ADAMTS2: variants seen among roughly 807,000 people sequenced by gnomAD.
ADAMTS2 encodes A disintegrin and metalloproteinase with thrombospondin motifs 2.
ADAMTS2 carries 50 observed loss-of-function variants against 123.0 expected under a neutral mutation model. That is an observed-to-expected ratio of 0.41 (90% CI 0.32 to 0.51). ADAMTS2 has a LOEUF of 0.51. Ranked by LOEUF, ADAMTS2 falls within the 20% of genes least tolerant of loss-of-function variation. The pLI is 0.35. For missense variants in ADAMTS2, 1,494 were observed against 1,705.2 expected, an observed-to-expected ratio of 0.88 and a Z score of 2.18; for synonymous variants, 678 against 695.4, an observed-to-expected ratio of 0.98 and a Z score of 0.39.
intron 3 of ADAMTS2, among the ~76,000 whole-genome samples, chr5:179,212,980 A>G (rs1466200238): frequency 6.6e-6 from 1 of 152,128 alleles, no homozygotes; most frequent in South Asian, 2.1e-4. Flanking sequence ...ACCCAGAAGG[A>G]AGGGAGCCCG....
rs1302424031 is a variant in ADAMTS2, at chr5:179,317,482, G to A, written c.534+26285C>T. On this transcript the variant is annotated intron_variant, in intron 2 of 21. Coordinates refer to ENST00000251582, the MANE Select transcript of ADAMTS2 (RefSeq NM_014244.5). The surrounding 1 kb of genome is among the most constrained non-coding windows in gnomAD (Gnocchi z 4.9). ...AGAGAGATGCGAGCAGGTGGGCGGA[G>A]GGTGCACTCATGAGACTTCTATAAG... Among the ~76,000 whole-genome samples the A allele has an allele frequency of 6.6e-6, 1 of 152,070 alleles. No individual in the cohort carries two copies. The highest frequency in any genetic ancestry group is 1.5e-5 in the Non-Finnish European group (1 of 68,014).
At chr5:179,210,189 G>A (rs1425963213) in intron 3 of ADAMTS2, among the ~76,000 whole-genome samples, 1 of 152,216 alleles carries the variant, frequency 6.6e-6, no homozygotes, top group Non-Finnish European at 1.5e-5. Flanking sequence ...CAGGCCACCT[G>A]CCTGCCACTG....
rs1757043609 is a variant in ADAMTS2, at chr5:179,317,779, G to A, written c.534+25988C>T. Among the ~76,000 whole-genome samples, 1 of 152,206 alleles carries A rather than the reference G, an allele frequency of 6.6e-6. No individual in the cohort carries two copies. The highest frequency in any genetic ancestry group is 1.5e-5 in the Non-Finnish European group (1 of 68,040). On this transcript the variant is annotated intron_variant, in intron 2 of 21. Coordinates refer to ENST00000251582, the MANE Select transcript of ADAMTS2 (RefSeq NM_014244.5). The surrounding 1 kb of genome is among the most constrained non-coding windows in gnomAD (Gnocchi z 4.9). ...GTGCCAGCACCAGCTGAGACTCCCTGGCCAGACTCATCGCCAGCTGGGGAG... is the reference window on the plus strand; with the variant it reads ...GTGCCAGCACCAGCTGAGACTCCCTAGCCAGACTCATCGCCAGCTGGGGAG...
At chr5:179,154,965 CG>C in intron 6 of ADAMTS2, 46 bp from the exon 7 acceptor site, 1 of 1,561,406 alleles carries the variant, frequency 6.4e-7, no homozygotes, top group Non-Finnish European at 8.8e-7. Context: ...ATAGCCTGGC[CG>C]GGAAGGTGAG....
chr5:179,188,608 C>T lies in ADAMTS2; in HGVS notation c.892-7453G>A, dbSNP rs1003676325. ...CTCAAAATATCAAACTACCATGAAA[C>T]GGAAATGGCCAGGATCAGAATTACT... On this transcript the variant is annotated intron_variant, in intron 4 of 21. Coordinates refer to ENST00000251582, the MANE Select transcript of ADAMTS2 (RefSeq NM_014244.5). The surrounding 1 kb of genome is among the most constrained non-coding windows in gnomAD (Gnocchi z 5.1). 3.9e-5 allele frequency among the ~76,000 whole-genome samples: 6 copies of T among 152,106 alleles called. No individual in the cohort carries two copies. The highest frequency in any genetic ancestry group is 1.3e-4 in the Admixed American group (2 of 15,282).
chr5:179,320,611 C>T (rs180289), intron 2 of ADAMTS2, among the ~76,000 whole-genome samples: 31,763 of 151,918 alleles, frequency 0.21, 3,867 homozygotes, highest in East Asian at 0.37. Context: ...AGCCACTGTT[C>T]CTGGCCCACC....
intron 3 of ADAMTS2, among the ~76,000 whole-genome samples, chr5:179,208,809 G>T (rs924851923): frequency 7.2e-5 from 11 of 152,116 alleles, no homozygotes; most frequent in Admixed American, 2.0e-4. Context: ...CAGCCCCAGG[G>T]TCTCCATGGC....
chr5:179,185,858 C>A lies in ADAMTS2; in HGVS notation c.892-4703G>T, dbSNP rs1346794811. ...CAGATGGTTCGGAGATTAACTGGGGCTCCCTGGCTGCTGAGGAGCTAGAGA... is the reference window on the plus strand; with the variant it reads ...CAGATGGTTCGGAGATTAACTGGGGATCCCTGGCTGCTGAGGAGCTAGAGA... On this transcript the variant is annotated intron_variant, in intron 4 of 21. Coordinates refer to ENST00000251582, the MANE Select transcript of ADAMTS2 (RefSeq NM_014244.5). The surrounding 1 kb of genome is among the most constrained non-coding windows in gnomAD (Gnocchi z 5.9). 1.3e-5 allele frequency among the ~76,000 whole-genome samples: 2 copies of A among 152,014 alleles called. No homozygotes were observed. The highest frequency in any genetic ancestry group is 4.8e-5 in the African/African-American group (2 of 41,386).
chr5:179,191,431 G>A (rs1339063114), intron 4 of ADAMTS2, among the ~76,000 whole-genome samples: 2 of 152,078 alleles, frequency 1.3e-5, no homozygotes, highest in African/African-American at 4.8e-5. Context: ...TCCCGTGACT[G>A]AGCTCGGTCA....
chr5:179,166,527 G>A (rs1482225737), intron 5 of ADAMTS2, among the ~76,000 whole-genome samples: 2 of 152,198 alleles, frequency 1.3e-5, no homozygotes, highest in Admixed American at 1.3e-4. Context: ...GGCCCAGCCT[G>A]CAGGGGTCTG....
At chr5:179,267,142 C>T (rs137860265) in intron 3 of ADAMTS2, among the ~76,000 whole-genome samples, 1 of 152,270 alleles carries the variant, frequency 6.6e-6, no homozygotes, top group East Asian at 1.9e-4. Flanking sequence ...CACTCTTCCC[C>T]CAGGATCCCC....
chr5:179,264,878 T>C (rs1332180848), intron 3 of ADAMTS2, among the ~76,000 whole-genome samples: 2 of 151,970 alleles, frequency 1.3e-5, no homozygotes, highest in South Asian at 2.1e-4. Context: ...GCATGTCGGG[T>C]GGAGCTGAGC....
chr5:179,266,350 G>T (rs1046312423), intron 3 of ADAMTS2, among the ~76,000 whole-genome samples: 2 of 152,210 alleles, frequency 1.3e-5, no homozygotes, highest in African/African-American at 4.8e-5. Context: ...GTCCCAGCGG[G>T]CCCTAAATGT....
rs57498810 is a variant in ADAMTS2 at position 179,132,584 on chromosome 5, A to G, written c.2209+193T>C. Among the ~76,000 whole-genome samples the G allele has an allele frequency of 0.037, 2,901 of 79,372 alleles. 99 individuals are homozygous for G. The highest frequency in any genetic ancestry group is 0.11 in the African/African-American group (2,750 of 24,448). 52.1% of individuals were successfully genotyped at this position (79,372 alleles called of 152,430 possible). On this transcript the variant is annotated intron_variant, in intron 14 of 21. Coordinates refer to ENST00000251582, the MANE Select transcript of ADAMTS2 (RefSeq NM_014244.5). The surrounding 1 kb of genome is among the most constrained non-coding windows in gnomAD (Gnocchi z 6.1). ...CCCGGCCCCCACTCTCCTCTTCCCC[A>G]CCCACCCTGGCACCCAGCTGGGGCT...
chr5:179,125,467 T>C (rs1347864576), intron 18 of ADAMTS2, among the ~76,000 whole-genome samples: 2 of 152,124 alleles, frequency 1.3e-5, no homozygotes, highest in African/African-American at 4.8e-5. Context: ...GTCCCTAGCC[T>C]GAAGAGGTTT....
chr5:179,161,633 T>C (rs79391768), intron 5 of ADAMTS2, among the ~76,000 whole-genome samples: 2,360 of 152,268 alleles, frequency 0.015, 59 homozygotes, highest in African/African-American at 0.053. Flanking sequence ...GGAAAGCGCC[T>C]GGAATCCGTA....
At chr5:179,297,754 C>T (rs1439524560) in intron 2 of ADAMTS2, among the ~76,000 whole-genome samples, 2 of 152,142 alleles carry the variant, frequency 1.3e-5, no homozygotes, top group African/African-American at 2.4e-5. Context: ...ACCCACTGCC[C>T]ACCACCAGCT....
intron 3 of ADAMTS2, among the ~76,000 whole-genome samples, chr5:179,222,156 T>C (rs567336705): frequency 2.1e-4 from 32 of 152,194 alleles, no homozygotes; most frequent in African/African-American, 7.7e-4. Flanking sequence ...GTGGTGACAA[T>C]TGGCCCTGGT....
At chr5:179,267,469 C>T (rs1766405673) in intron 3 of ADAMTS2, among the ~76,000 whole-genome samples, 1 of 152,212 alleles carries the variant, frequency 6.6e-6, no homozygotes, top group Admixed American at 6.5e-5. Context: ...GCCAAGGTCA[C>T]TGGCACGTTG....
Sources: gnomAD v4.1 joint callset for allele counts (sites outside exome capture counted in the v4.1 genomes callset) on GRCh38, gnomAD v4.1.1 for gene constraint, Gnocchi (gnomAD v3.1) non-coding constraint, MANE v1.5 for transcripts, NCBI Gene and HGNC (gene_info 2026-07-23, HGNC 2026-07-21) for gene names.